NUP210L: variants seen among roughly 807,000 people sequenced by gnomAD.
The protein encoded by NUP210L is nucleoporin 210 like, also known as nuclear pore membrane glycoprotein 210-like.
Under a neutral mutation model 208.5 loss-of-function variants are expected in NUP210L, and 74 were observed. The observed-to-expected ratio is 0.35, with a 90% confidence interval of 0.29 to 0.43. The LOEUF (loss-of-function observed/expected upper bound fraction) is 0.43, where lower values mean the gene tolerates loss of function less well. Ranked by LOEUF, NUP210L falls within the 20% of genes least tolerant of loss-of-function variation. The probability of loss-of-function intolerance (pLI) is 1.00; values close to 1 mark genes in which losing one functional copy is unlikely to be tolerated. For synonymous variants in NUP210L, 780 were observed against 816.9 expected, an observed-to-expected ratio of 0.95 and a Z score of 0.77; for missense variants, 1,843 against 2,289.4, an observed-to-expected ratio of 0.81 and a Z score of 3.98.
At chr1:154,074,488 A>ATTT (rs113689298) in intron 16 of NUP210L, among the ~76,000 whole-genome samples, 2 of 125,788 alleles carry the variant, frequency 1.6e-5, no homozygotes, top group Non-Finnish European at 3.4e-5. Flanking sequence ...TGGGATCACG[A>ATTT]TTTTTTTTTT....
At chr1:154,121,130 G>A (rs1657596263) in intron 10 of NUP210L, among the ~76,000 whole-genome samples, 1 of 151,998 alleles carries the variant, frequency 6.6e-6, no homozygotes, top group South Asian at 2.1e-4. Context: ...AGCACATTTA[G>A]CAACAATGAT....
At chr1:154,064,698 G>A (rs1654310221) in intron 17 of NUP210L, among the ~76,000 whole-genome samples, 1 of 152,116 alleles carries the variant, frequency 6.6e-6, no homozygotes, top group Non-Finnish European at 1.5e-5. Context: ...GCCTAGCAGA[G>A]GACCTTACAT....
At chr1:154,145,795 G>T (rs992390809) in intron 2 of NUP210L, among the ~76,000 whole-genome samples, 10 of 152,120 alleles carry the variant, frequency 6.6e-5, no homozygotes, top group African/African-American at 2.4e-4. Context: ...AATAAGTGTA[G>T]ATATATGTGT....
At chr1:154,034,640 G>A (rs1360763540) in intron 27 of NUP210L, among the ~76,000 whole-genome samples, 1 of 151,832 alleles carries the variant, frequency 6.6e-6, no homozygotes, top group Non-Finnish European at 1.5e-5. Flanking sequence ...GCTTTGCTGG[G>A]AGACTTTTCA....
Position 154,127,082 on chromosome 1 carries a change from G to A in NUP210L, c.1185+229C>T, listed in dbSNP as rs576905029. Among the ~76,000 whole-genome samples the A allele has an allele frequency of 4.7e-5, 7 of 149,866 alleles. No homozygotes were observed. The South Asian group carries it at 6.4e-4, about 14-fold the overall frequency. On this transcript the variant is annotated intron_variant, in intron 9 of 39. Transcript: ENST00000368559. ...GATCACACCACTGTACTCCAGTCTG[G>A]GTGACAGAGCGAGACTGTGTCTCTT...
intron 27 of NUP210L, among the ~76,000 whole-genome samples, chr1:154,036,346 GTGTGTGTGTGTGTGTA>G (rs978238099): frequency 2.3e-4 from 31 of 134,334 alleles, no homozygotes; most frequent in Middle Eastern, 3.8e-3. Flanking sequence ...GTGTGTGTGT[GTGTGTGTGTGTGTGTA>G]TAACTTTTTT....
intron 34 of NUP210L, 88 bp downstream of exon 34, chr1:154,012,156 T>C: frequency 7.4e-7 from 1 of 1,345,008 alleles, no homozygotes; most frequent in Non-Finnish European, 1.0e-6. Context: ...AAAAAGAAAA[T>C]CTGGATTACT....
intron 27 of NUP210L, among the ~76,000 whole-genome samples, chr1:154,038,341 T>C (rs1026606440): frequency 6.6e-6 from 1 of 150,376 alleles, no homozygotes; most frequent in African/African-American, 2.4e-5. Context: ...CTTTTTCTTT[T>C]TTTTTTTTTT....
chr1:154,016,075 C>T (rs1486010256), intron 33 of NUP210L, among the ~76,000 whole-genome samples: 1 of 151,406 alleles, frequency 6.6e-6, no homozygotes, highest in Non-Finnish European at 1.5e-5. Flanking sequence ...GACAACATAG[C>T]GAGACCCTGT....
chr1:154,131,048 C>T (rs1316741414), intron 7 of NUP210L, among the ~76,000 whole-genome samples: 1 of 151,756 alleles, frequency 6.6e-6, no homozygotes, highest in Non-Finnish European at 1.5e-5. Context: ...GGGTGGATCA[C>T]GAGGTCAGAA....
intron 37 of NUP210L, chr1:153,995,575 T>A: frequency 1.3e-6 from 1 of 748,704 alleles, no homozygotes. Context: ...TCTGCTACTT[T>A]AAAATGCTGG....
At chr1:154,125,684 A>AGGAAGGAC (rs1657882210) in intron 10 of NUP210L, among the ~76,000 whole-genome samples, 1 of 6,940 alleles carries the variant, frequency 1.4e-4, no homozygotes, top group Non-Finnish European at 6.1e-4. Context: ...GAAGGAAGGA[A>AGGAAGGAC]GGAAGGAAGG....
chr1:154,068,261 G>A (rs1014030632), intron 17 of NUP210L, among the ~76,000 whole-genome samples: 1 of 152,150 alleles, frequency 6.6e-6, no homozygotes, highest in East Asian at 1.9e-4. Context: ...ACAGACCAGA[G>A]ACCTCAGAAA....
chr1:154,113,167 A>AT (rs35579455), intron 12 of NUP210L, among the ~76,000 whole-genome samples: 3,251 of 144,466 alleles, frequency 0.023, 101 homozygotes, highest in African/African-American at 0.067. Context: ...TAAAAAAAAA[A>AT]ATATATATAT....
chr1:154,103,362 C>A (rs1245259489), intron 13 of NUP210L, among the ~76,000 whole-genome samples: 1 of 147,588 alleles, frequency 6.8e-6, no homozygotes, highest in East Asian at 2.0e-4. Context: ...CCACTGCACT[C>A]CAGCCTGGGC....
intron 16 of NUP210L, among the ~76,000 whole-genome samples, chr1:154,086,520 G>A (rs1371320705): frequency 6.6e-6 from 1 of 151,832 alleles, no homozygotes; most frequent in Non-Finnish European, 1.5e-5. Context: ...GATGTCATTA[G>A]AAAAGTGAGG....
intron 16 of NUP210L, among the ~76,000 whole-genome samples, chr1:154,080,717 C>T (rs896153211): frequency 1.4e-5 from 2 of 148,080 alleles, no homozygotes; most frequent in Admixed American, 1.4e-4. Context: ...ACAACAAAAA[C>T]ACCCAGCACT....
intron 17 of NUP210L, 97 bp downstream of exon 17, chr1:154,070,176 T>A: frequency 1.1e-6 from 1 of 935,176 alleles, no homozygotes; most frequent in East Asian, 2.5e-5. Flanking sequence ...GTTGTGCACA[T>A]GTACCCTAGA....
Position 154,001,389 on chromosome 1 carries a change from G to A in NUP210L, c.5182-329C>T, listed in dbSNP as rs1216933145. 3.3e-5 allele frequency among the ~76,000 whole-genome samples: 5 copies of A among 152,258 alleles called. No homozygotes were observed. In the South Asian group the frequency reaches 6.2e-4, roughly 19 times the overall value. On this transcript the variant is annotated intron_variant, in intron 36 of 39. Transcript: ENST00000368559. Reference sequence around the variant, plus strand: ...ATTTTTGTACTTTTAGTAGAGAAGAGGTTTCACCATGTTGGCCAGGATGGT... The same window carrying A: ...ATTTTTGTACTTTTAGTAGAGAAGAAGTTTCACCATGTTGGCCAGGATGGT...
Sources: gnomAD v4.1 joint callset for allele counts (sites outside exome capture counted in the v4.1 genomes callset) on GRCh38, gnomAD v4.1.1 for gene constraint, MANE v1.5 for transcripts, NCBI Gene and HGNC (gene_info 2026-07-23, HGNC 2026-07-21) for gene names.